CNTN4: variants seen among roughly 807,000 people sequenced by gnomAD.
CNTN4 encodes the protein contactin 4.
In CNTN4, 77 loss-of-function variants were observed where a neutral mutation model predicts 122.5. The ratio of observed to expected loss-of-function variants is 0.63; its 90% CI spans 0.52 to 0.76. The LOEUF is 0.76. Among genes scored for constraint, CNTN4 ranks in the 30% least tolerant of loss-of-function variants. The pLI is 0.00. For missense variants in CNTN4, 1,256 were observed against 1,259.1 expected (o/e 1.00, Z 0.04); for synonymous variants, 512 against 447.0 (o/e 1.15, Z -1.83).
At chr3:2,981,481 G>A (rs344390) in intron 13 of CNTN4, among the ~76,000 whole-genome samples, 39,614 of 151,382 alleles carry the variant, frequency 0.26, 5,257 homozygotes, top group Non-Finnish European at 0.29. Context: ...GAGGACTCCC[G>A]TACCCTCACT....
In CNTN4 at chr3:2,571,483, C is replaced by G. The variant is rs1370635632; in HGVS notation, c.-21C>G. 2 of 1,604,662 alleles carry G rather than the reference C, an allele frequency of 1.2e-6. No individual in the cohort carries two copies. The highest frequency in any genetic ancestry group is 3.3e-5 in the Admixed American group (2 of 60,004). On this transcript the variant is annotated 5_prime_UTR_variant, in exon 4 of 25. Coordinates refer to ENST00000418658, the MANE Select transcript of CNTN4 (RefSeq NM_175607.3). The stretch of plus-strand genomic sequence containing the variant: ...CGCTTGTTATTGGACTTGAAACTCC[C>G]TTTGACCTCGGAAACTGAAGATGAG...
chr3:2,859,755 C>T (rs1329524897), intron 7 of CNTN4, among the ~76,000 whole-genome samples: 1 of 152,114 alleles, frequency 6.6e-6, no homozygotes, highest in African/African-American at 2.4e-5. Context: ...GTTGTATGTC[C>T]TATTTTGTCA....
At chr3:2,696,062 T>A (rs1240424765) in intron 4 of CNTN4, among the ~76,000 whole-genome samples, 1 of 152,220 alleles carries the variant, frequency 6.6e-6, no homozygotes, top group Non-Finnish European at 1.5e-5. Flanking sequence ...TGTAAGTGTG[T>A]ATGTAAATAC....
intron 13 of CNTN4, among the ~76,000 whole-genome samples, chr3:2,930,227 G>A (rs2094507733): frequency 6.6e-6 from 1 of 152,068 alleles, no homozygotes; most frequent in African/African-American, 2.4e-5. Flanking sequence ...TCCTCTCACT[G>A]TTTTGGTCAT....
chr3:2,260,732 AT>A (rs3077120), intron 2 of CNTN4, among the ~76,000 whole-genome samples: 3 of 147,298 alleles, frequency 2.0e-5, no homozygotes, highest in East Asian at 2.0e-4. Context: ...TTATTTATTT[AT>A]TTTTTTTTTG....
intron 4 of CNTN4, among the ~76,000 whole-genome samples, chr3:2,637,792 C>CTTGCCT: frequency 6.6e-6 from 1 of 152,166 alleles, no homozygotes; most frequent in Non-Finnish European, 1.5e-5. Context: ...ATCTAATACT[C>CTTGCCT]ATGCCTACCC....
chr3:2,914,157 G>A (rs1339343357), intron 12 of CNTN4, among the ~76,000 whole-genome samples: 1 of 152,096 alleles, frequency 6.6e-6, no homozygotes, highest in Non-Finnish European at 1.5e-5. Flanking sequence ...AGCAAAAGCA[G>A]TAATAAGAGG....
At chr3:2,710,446 A>G (rs1207982109) in intron 4 of CNTN4, among the ~76,000 whole-genome samples, 3 of 152,334 alleles carry the variant, frequency 2.0e-5, no homozygotes, top group Middle Eastern at 6.8e-3. Context: ...TTCCATAACT[A>G]GTGCAATTTC....
At position 2,680,988 on chromosome 3, in the gene CNTN4, A is replaced by G. The variant is rs945636753; in HGVS notation, c.56-55227A>G. ...TAAACTTGGATATGTTATGAAGAAA[A>G]TGCAATATCATATCTATGGCTAAAA... On this transcript the variant is annotated intron_variant, in intron 4 of 24. Transcript: ENST00000418658. 5.3e-5 allele frequency among the ~76,000 whole-genome samples: 8 copies of G among 152,222 alleles called. No individual in the cohort carries two copies. In the South Asian group the frequency reaches 6.2e-4, roughly 12 times the overall value.
At chr3:2,562,599 A>G (rs147578411) in intron 3 of CNTN4, among the ~76,000 whole-genome samples, 9 of 152,162 alleles carry the variant, frequency 5.9e-5, no homozygotes, top group East Asian at 1.9e-4. Context: ...CGTGGTGTGT[A>G]TGCACCAAAT....
intron 2 of CNTN4, among the ~76,000 whole-genome samples, chr3:2,145,487 G>A (rs996552500): frequency 3.3e-5 from 5 of 152,186 alleles, no homozygotes; most frequent in Non-Finnish European, 5.9e-5. Flanking sequence ...ACATAATAGT[G>A]TGGCAAGGTG....
rs189798679 is a variant in CNTN4 at position 2,895,803 on chromosome 3, G to A, written c.941-4882G>A. Among the ~76,000 whole-genome samples, 1,114 of 152,334 alleles carry A rather than the reference G, an allele frequency of 7.3e-3. 17 individuals carry two copies. The highest frequency in any genetic ancestry group is 0.025 in the African/African-American group (1,060 of 41,580). On this transcript the variant is annotated intron_variant, in intron 10 of 24. Transcript: ENST00000418658. Reference sequence around the variant, plus strand: ...TCATCCCAGCACTTTGGGAGGCCGAGGCGGGCGGATCACAAGGTCAGGAGA... The same window carrying A: ...TCATCCCAGCACTTTGGGAGGCCGAAGCGGGCGGATCACAAGGTCAGGAGA...
At chr3:2,685,870 T>C (rs1389893938) in intron 4 of CNTN4, among the ~76,000 whole-genome samples, 1 of 152,154 alleles carries the variant, frequency 6.6e-6, no homozygotes, top group African/African-American at 2.4e-5. Flanking sequence ...TCTATTCCAA[T>C]TTCCAGTTTC....
Position 2,111,179 on chromosome 3 carries a change from G to A in CNTN4, c.-145+10540G>A, listed in dbSNP as rs1318115364. ...GAATTCCCGATACCAAAACAATTATGGATACTATTAAGGTGGCTGTAATGC... is the reference window on the plus strand; with the variant it reads ...GAATTCCCGATACCAAAACAATTATAGATACTATTAAGGTGGCTGTAATGC... On this transcript the variant is annotated intron_variant, in intron 2 of 24. Coordinates refer to ENST00000418658, the MANE Select transcript of CNTN4 (RefSeq NM_175607.3). 2.6e-5 allele frequency among the ~76,000 whole-genome samples: 4 copies of A among 152,014 alleles called. No homozygotes were observed. In the East Asian group the frequency reaches 7.7e-4, roughly 29 times the overall value.
intron 12 of CNTN4, among the ~76,000 whole-genome samples, chr3:2,914,185 A>G (rs2094330350): frequency 6.6e-6 from 1 of 152,180 alleles, no homozygotes; most frequent in African/African-American, 2.4e-5. Context: ...ATAATGATAC[A>G]TGCTTACATT....
At chr3:2,178,460 A>T (rs899770578) in intron 2 of CNTN4, among the ~76,000 whole-genome samples, 2 of 152,068 alleles carry the variant, frequency 1.3e-5, no homozygotes, top group Non-Finnish European at 2.9e-5. Flanking sequence ...TAGAAAAAAA[A>T]AATTGTAACA....
rs1559597533 is a variant in CNTN4, at chr3:2,866,679, C to T, written c.455-73C>T. On this transcript the variant is annotated intron_variant, in intron 7 of 24. Coordinates refer to ENST00000418658, the MANE Select transcript of CNTN4 (RefSeq NM_175607.3). ...ACAATGTATACATTTTTAACCTGAT[C>T]ATTTCTTTCATGAAAACAGTAGAGT... 5 of 1,407,446 alleles carry T rather than the reference C, an allele frequency of 3.6e-6. No individual in the cohort carries two copies. The Admixed American group carries it at 8.4e-5, about 24-fold the overall frequency. The allele number at this position is 1,407,446 out of a possible 1,614,324, so 87.2% of individuals were successfully genotyped here. A position where few individuals can be genotyped will look rare whatever the true frequency, so the allele number is the denominator to read the frequency against.
chr3:2,254,874 A>C (rs1459942773), intron 2 of CNTN4, among the ~76,000 whole-genome samples: 1 of 152,016 alleles, frequency 6.6e-6, no homozygotes, highest in Non-Finnish European at 1.5e-5. Flanking sequence ...TGCTGTGAGG[A>C]AGCTCTTTAG....
intron 14 of CNTN4, among the ~76,000 whole-genome samples, chr3:3,014,638 T>C (rs894303742): frequency 6.6e-6 from 1 of 151,782 alleles, no homozygotes; most frequent in Non-Finnish European, 1.5e-5. Context: ...TCTGCCGCTC[T>C]CTGCTTGTCT....
Sources: allele counts gnomAD v4.1 joint callset (sites outside exome capture counted in the v4.1 genomes callset), GRCh38; gene constraint gnomAD v4.1.1; transcripts MANE v1.5; gene names NCBI Gene and HGNC (gene_info 2026-07-23, HGNC 2026-07-21).